Variants in VPS13C observed in about 807,000 individuals in gnomAD.
VPS13C encodes intermembrane lipid transfer protein VPS13C.
VPS13C carries 358 observed loss-of-function variants against 456.8 expected under a neutral mutation model. The observed-to-expected ratio is 0.78, with a 90% CI of 0.72 to 0.86. VPS13C has a LOEUF of 0.86. Ranked by LOEUF, VPS13C falls within the 40% of genes least tolerant of loss-of-function variation. VPS13C has a pLI of 0.00. For synonymous variants in VPS13C, 1,578 were observed against 1,486.7 expected (o/e 1.06, Z -1.41); for missense variants, 4,818 against 4,385.4 (o/e 1.10, Z -2.79).
intron 68 of VPS13C, among the ~76,000 whole-genome samples, chr15:61,883,215 T>G (rs1024650674): frequency 2.8e-4 from 43 of 151,226 alleles, no homozygotes; most frequent in African/African-American, 9.7e-4. Flanking sequence ...TTTTTTTTTT[T>G]TTGTAGAGAC....
chr15:61,921,962 C>T lies in VPS13C; in HGVS notation c.7047G>A (p.Trp2349Ter). The change falls in exon 55 of 85, where the codon TGG becomes TGA. Residue 2349 changes from tryptophan (W) to a stop codon, truncating the protein, a stop_gained. Transcript: ENST00000644861. LOFTEE classifies it high-confidence loss of function. Reference protein sequence around the residue: ...LIERVEGKRQWNLRLDVKKNP... With the variant: ...LIERVEGKRQ ...ATTTCCTTACATCAAGCCTTAAATT[C>T]CATTGTCTCTTCCCCTCCACTCTCT... 6.2e-7 allele frequency: 1 copy of T among 1,613,408 alleles called. No individual in the cohort carries two copies. The highest frequency in any genetic ancestry group is 2.2e-5 in the East Asian group (1 of 44,844).
chr15:61,872,627 T>A (rs1332907475), intron 78 of VPS13C, among the ~76,000 whole-genome samples: 1 of 152,084 alleles, frequency 6.6e-6, no homozygotes, highest in Non-Finnish European at 1.5e-5. Flanking sequence ...CATTATGAAG[T>A]AATGGTAGTA....
intron 64 of VPS13C, among the ~76,000 whole-genome samples, 196 bp from the exon 65 acceptor site, chr15:61,909,321 C>T (rs957208640): frequency 1.3e-5 from 2 of 152,182 alleles, no homozygotes; most frequent in Admixed American, 1.3e-4. Flanking sequence ...AATTCTCCTG[C>T]CCCAGCCTTC....
intron 16 of VPS13C, among the ~76,000 whole-genome samples, chr15:61,997,029 TAA>T (rs1471196746): frequency 6.9e-6 from 1 of 144,860 alleles, no homozygotes; most frequent in Admixed American, 6.7e-5. Flanking sequence ...AATATAAAAT[TAA>T]GAGTCCAAAT....
chr15:62,043,425 G>T (rs2048303708), intron 2 of VPS13C, among the ~76,000 whole-genome samples: 1 of 152,242 alleles, frequency 6.6e-6, no homozygotes, highest in Middle Eastern at 3.4e-3. Context: ...GGCCAACATG[G>T]CAAAACCCAA....
intron 16 of VPS13C, among the ~76,000 whole-genome samples, chr15:61,998,005 T>C (rs2046450527): frequency 6.6e-6 from 1 of 152,126 alleles, no homozygotes; most frequent in Non-Finnish European, 1.5e-5. Flanking sequence ...TCTGGCAATC[T>C]CAACTCCCAC....
intron 47 of VPS13C, among the ~76,000 whole-genome samples, chr15:61,938,300 T>C (rs376303917): frequency 1.3e-5 from 2 of 151,876 alleles, no homozygotes; most frequent in African/African-American, 4.9e-5. Flanking sequence ...AAGGACAATT[T>C]TGAAAGGCAG....
rs750075091 is a variant in VPS13C, at chr15:61,954,554, C to T, written c.4166G>A (p.Gly1389Asp). ...DKVKPRVQETGEIKEPLEISI... is the reference protein window; with the variant it reads ...DKVKPRVQETDEIKEPLEISI... The stretch of plus-strand genomic sequence containing the variant: ...GATTTCAAGGGGCTCTTTAATTTCA[C>T]CTGAAATGTTTAAAAGAAATTCATT... The change falls in exon 38 of 85, where the codon GGT becomes GAT. Residue 1389 changes from glycine to aspartate, a missense_variant and splice_region_variant. Around this residue, in one of 3 missense-constraint regions of VPS13C, gnomAD observed 4,552 missense variants for 4,130.6 expected, o/e 1.10. Transcript: ENST00000644861. 5 of 1,571,146 alleles carry T rather than the reference C, an allele frequency of 3.2e-6. No individual in the cohort carries two copies. The highest frequency in any genetic ancestry group is 1.7e-6 in the Non-Finnish European group (2 of 1,165,940).
At chr15:61,911,603 T>C (rs1368670189) in intron 63 of VPS13C, among the ~76,000 whole-genome samples, 1 of 152,196 alleles carries the variant, frequency 6.6e-6, no homozygotes, top group East Asian at 1.9e-4. Context: ...AGCTACGTTC[T>C]ACACATATAG....
chr15:62,015,055 T>C (rs1355698354), intron 9 of VPS13C, among the ~76,000 whole-genome samples: 3 of 152,156 alleles, frequency 2.0e-5, no homozygotes, highest in African/African-American at 4.8e-5. Flanking sequence ...ATACCTGTTA[T>C]CAGACAATAG....
chr15:61,921,271 G>A (rs2043645000), intron 55 of VPS13C, among the ~76,000 whole-genome samples: 1 of 152,052 alleles, frequency 6.6e-6, no homozygotes, highest in Non-Finnish European at 1.5e-5. Context: ...AATATGTGGA[G>A]TCAGTTTCAG....
intron 71 of VPS13C, among the ~76,000 whole-genome samples, chr15:61,881,205 G>A (rs1895824905): frequency 1.3e-5 from 2 of 152,028 alleles, no homozygotes; most frequent in Admixed American, 1.3e-4. Context: ...TGTCACAGAT[G>A]AAACAAATAC....
At chr15:62,047,454 A>G (rs1341610718) in intron 1 of VPS13C, among the ~76,000 whole-genome samples, 1 of 152,074 alleles carries the variant, frequency 6.6e-6, no homozygotes, top group Non-Finnish European at 1.5e-5. Context: ...AAACAAAAAA[A>G]GCAGTATCTA....
At chr15:62,047,252 C>T (rs922504606) in intron 1 of VPS13C, among the ~76,000 whole-genome samples, 2 of 151,394 alleles carry the variant, frequency 1.3e-5, no homozygotes, top group African/African-American at 2.4e-5. Context: ...GGTGAAACCC[C>T]ATCTCTACTA....
At position 61,984,786 on chromosome 15, in the gene VPS13C, T is replaced by G. The variant is rs973071382; in HGVS notation, c.1721+71A>C. On this transcript the variant is annotated intron_variant, in intron 19 of 84. Coordinates refer to ENST00000644861, the MANE Select transcript of VPS13C (RefSeq NM_020821.3). ...AGCTGGCACTAATCATTTTTAAACC[T>G]GAATAACACACATTTTTTGCCTAAA... is the stretch of plus-strand genomic sequence containing the variant. 7.5e-6 allele frequency: 11 copies of G among 1,474,814 alleles called. No individual in the cohort carries two copies. The East Asian group carries it at 2.4e-4, about 33-fold the overall frequency. 91.4% of individuals were successfully genotyped at this position (1,474,814 alleles called of 1,614,324 possible).
intron 66 of VPS13C, among the ~76,000 whole-genome samples, chr15:61,892,450 A>C (rs1416451271): frequency 1.3e-5 from 2 of 152,198 alleles, no homozygotes; most frequent in East Asian, 3.9e-4. Flanking sequence ...AGTGCTGAAT[A>C]GGAGGCAGTG....
intron 69 of VPS13C, 93 bp downstream of exon 69, chr15:61,882,503 T>C: frequency 1.7e-6 from 2 of 1,178,034 alleles, no homozygotes; most frequent in Non-Finnish European, 2.2e-6. Flanking sequence ...AAGATACCAA[T>C]TACAATGTAA....
In VPS13C at chr15:61,863,496, G is replaced by A; in HGVS notation, c.10896C>T (p.Tyr3632=). ...NHIKKLEGET[Y]RYHCAIPGSK... ...TTCCAGGAATAGCACAGTGGTATCG[G>A]TAAGTCTCTCCTTCCAACTTTTTGA... The change falls in exon 82 of 85, where the codon TAC becomes TAT. Residue 3632 remains tyrosine, a synonymous_variant. Transcript: ENST00000644861. 6.2e-7 allele frequency: 1 copy of A among 1,612,806 alleles called. No individual in the cohort carries two copies. Among genetic ancestry groups the A allele is most frequent in the Non-Finnish European group, 8.5e-7 (1 of 1,179,186 alleles).
At chr15:61,905,680 A>G (rs1029100116) in intron 66 of VPS13C, among the ~76,000 whole-genome samples, 3 of 152,116 alleles carry the variant, frequency 2.0e-5, no homozygotes, top group East Asian at 1.9e-4. Flanking sequence ...TTCTTTTACT[A>G]TAACAGCAAA....
Sources: allele counts gnomAD v4.1 joint callset (sites outside exome capture counted in the v4.1 genomes callset), GRCh38; gene constraint gnomAD v4.1.1; regional missense constraint gnomAD v4.1.1; transcripts MANE v1.5; gene names NCBI Gene and HGNC (gene_info 2026-07-23, HGNC 2026-07-21).